MRPL43: variants seen among roughly 807,000 people sequenced by gnomAD.
MRPL43 encodes the protein large ribosomal subunit protein mL43.
In MRPL43, 9 loss-of-function variants were observed where a neutral mutation model predicts 12.7. That is an observed-to-expected ratio of 0.71 (90% CI 0.43 to 1.24). The LOEUF (loss-of-function observed/expected upper bound fraction) is 1.24. MRPL43 is among the 50% of genes most tolerant of loss of function. MRPL43 has a pLI of 0.00. For synonymous variants in MRPL43, 116 were observed against 96.4 expected (o/e 1.20, Z -1.19); for missense variants, 211 against 229.2 (o/e 0.92, Z 0.51).
At chr10:100,984,187 G>A (rs969880106), downstream of MRPL43, 14 of 1,544,262 alleles carry the variant, frequency 9.1e-6, no homozygotes, top group Non-Finnish European at 1.2e-5. Flanking sequence ...CCCAGGCTGG[G>A]CCACTGCCTC....
chr10:100,984,298 C>A, downstream of MRPL43: 1 of 1,439,270 alleles, frequency 6.9e-7, no homozygotes, highest in Non-Finnish European at 9.1e-7. Context: ...GCCAAAGCCC[C>A]CTCCTCAGTC....
downstream of MRPL43, among the ~76,000 whole-genome samples, chr10:100,982,708 C>T (rs901033684): frequency 1.3e-5 from 2 of 152,194 alleles, no homozygotes; most frequent in African/African-American, 4.8e-5. Context: ...AAGATAATCG[C>T]GTGAACCAGG....
downstream of MRPL43, chr10:100,986,239 TA>T: frequency 8.3e-7 from 1 of 1,202,896 alleles, no homozygotes; most frequent in Non-Finnish European, 1.1e-6. Flanking sequence ...GGCTTGTGCT[TA>T]ACATATGCAC....
At chr10:100,979,056 T>C (rs1850930466), downstream of MRPL43, 1 of 1,613,092 alleles carries the variant, frequency 6.2e-7, no homozygotes, top group South Asian at 1.1e-5. Flanking sequence ...GTATAGAGGC[T>C]GGACCTCTGA....
chr10:100,978,313 T>C, downstream of MRPL43: 1 of 1,613,428 alleles, frequency 6.2e-7, no homozygotes, highest in South Asian at 1.1e-5. Context: ...GGCCTTCACC[T>C]TGCCAACCAG....
downstream of MRPL43, chr10:100,983,990 T>C (rs746374262): frequency 2.5e-6 from 4 of 1,604,746 alleles, no homozygotes; most frequent in South Asian, 2.2e-5. Context: ...GGAGGATGAA[T>C]GGCAATAGCT....
chr10:100,984,648 T>C (rs1489476783), downstream of MRPL43: 4 of 1,536,224 alleles, frequency 2.6e-6, no homozygotes, highest in Non-Finnish European at 3.5e-6. Context: ...TGGGCTGCAG[T>C]GCCCCCACCC....
At chr10:100,981,457 T>C (rs1042990627), downstream of MRPL43, 2 of 1,614,214 alleles carry the variant, frequency 1.2e-6, no homozygotes, top group South Asian at 2.2e-5. Flanking sequence ...TTGTCACTTC[T>C]GGAGCTTATA....
At chr10:100,979,962 G>A, downstream of MRPL43, 1 of 1,614,114 alleles carries the variant, frequency 6.2e-7, no homozygotes, top group Non-Finnish European at 8.5e-7. Context: ...GTCGCTATGA[G>A]GGTGGGGTGC....
downstream of MRPL43, chr10:100,979,386 A>AT (rs35784439): frequency 0.14 from 190,742 of 1,368,066 alleles, 756 homozygotes; most frequent in Non-Finnish European, 0.16. Flanking sequence ...CAAAGTGAGA[A>AT]TTTTTTTTTT....
At chr10:100,985,367 T>A (rs535391514), downstream of MRPL43, 85 of 155,014 alleles carry the variant, frequency 5.5e-4, 3 homozygotes, top group South Asian at 0.017. Flanking sequence ...AGCTCCCCCA[T>A]TCCCCTCGGG....
downstream of MRPL43, chr10:100,981,365 C>G: frequency 6.2e-7 from 1 of 1,609,064 alleles, no homozygotes; most frequent in African/African-American, 1.3e-5. Context: ...AACACAGAGC[C>G]TGGCACAGAG....
downstream of MRPL43, chr10:100,983,495 T>C: frequency 1.9e-6 from 3 of 1,614,204 alleles, no homozygotes; most frequent in Non-Finnish European, 2.5e-6. Context: ...CTGAGCACAG[T>C]GGCAACTATG....
chr10:100,978,937 G>C, downstream of MRPL43: 1 of 1,614,186 alleles, frequency 6.2e-7, no homozygotes, highest in Non-Finnish European at 8.5e-7. Context: ...TCTTCACGGA[G>C]CGTGCCACTG....
rs1170109961 is a variant in MRPL43, at chr10:100,987,187, C to T, written c.141G>A (p.Val47=). 30 of 1,613,792 alleles carry T rather than the reference C, an allele frequency of 1.9e-5. No homozygotes were observed. The highest frequency in any genetic ancestry group is 2.5e-5 in the Non-Finnish European group (29 of 1,180,048). Residue 47 remains valine, a synonymous_variant, in exon 2 of 3, where the codon GTG becomes GTA. Coordinates refer to ENST00000318364, the MANE Select transcript of MRPL43 (RefSeq NM_032112.3). The part of the protein sequence containing the change: ...GASSRGAREF[V]EREVIDFARR... ...GGGCGAAGTCGATCACCTCCCGCTC[C>T]ACGAACTCCCTAAGCGACCCGGGAC...
At chr10:100,978,846 C>T (rs1850920470), downstream of MRPL43, 2 of 1,613,128 alleles carry the variant, frequency 1.2e-6, no homozygotes, top group Non-Finnish European at 1.7e-6. Context: ...GCCTGACCCA[C>T]AGATGCGGAG....
At chr10:100,980,036 A>G (rs1850986736), downstream of MRPL43, 1 of 1,613,742 alleles carries the variant, frequency 6.2e-7, no homozygotes, top group Non-Finnish European at 8.5e-7. Flanking sequence ...GACAGAGCCC[A>G]GGGAAGGGTC....
downstream of MRPL43, chr10:100,980,445 G>C: frequency 1.5e-6 from 2 of 1,369,660 alleles, no homozygotes; most frequent in South Asian, 1.2e-5. Flanking sequence ...CCAGTGTCCT[G>C]AGGGTCCACT....
In MRPL43 at chr10:100,986,436, G is replaced by A. The variant is rs556575123; in HGVS notation, c.*298C>T. On this transcript the variant is annotated 3_prime_UTR_variant, in exon 3 of 3. Transcript: ENST00000318364. ...GCCTTCAGACCTCTCACTGTGTTTT[G>A]AGATCATTATTATCAATTTGGATTT... 5.9e-6 allele frequency: 9 copies of A among 1,517,018 alleles called. No individual in the cohort carries two copies. In the African/African-American group the frequency reaches 1.3e-4, roughly 21 times the overall value. The allele number at this position is 1,517,018 out of a possible 1,614,324, so 94.0% of individuals were successfully genotyped here.
Sources: gnomAD v4.1 joint callset for allele counts (sites outside exome capture counted in the v4.1 genomes callset) on GRCh38, gnomAD v4.1.1 for gene constraint, MANE v1.5 for transcripts, NCBI Gene and HGNC (gene_info 2026-07-23, HGNC 2026-07-21) for gene names.